The following MNAT1 variants were observed in gnomAD, a reference collection of about 807,000 sequenced individuals.
MNAT1 encodes the protein MNAT1 component of CDK activating kinase.
A neutral mutation model predicts 42.0 loss-of-function variants in MNAT1; 43 were observed. That is an observed-to-expected ratio of 1.02 (90% CI 0.80 to 1.32). MNAT1 has a LOEUF of 1.32. Among genes scored for constraint, MNAT1 ranks in the 40% most tolerant of loss-of-function variants. The pLI, the probability that MNAT1 is intolerant of heterozygous loss-of-function variation, is 0.00. For missense variants in MNAT1, 306 were observed against 350.4 expected (o/e 0.87, Z 1.01); for synonymous variants, 118 against 120.0 (o/e 0.98, Z 0.11).
intron 1 of MNAT1, among the ~76,000 whole-genome samples, chr14:60,754,725 G>T (rs1327898217): frequency 6.6e-6 from 1 of 152,112 alleles, no homozygotes; most frequent in Non-Finnish European, 1.5e-5. Context: ...AGAGGCATAT[G>T]AACTACTTTT....
chr14:60,870,388 A>AT (rs1376193969), intron 6 of MNAT1, among the ~76,000 whole-genome samples: 1 of 152,038 alleles, frequency 6.6e-6, no homozygotes, highest in Non-Finnish European at 1.5e-5. Flanking sequence ...TTCTCACTAC[A>AT]TTTTTACTTT....
intron 6 of MNAT1, among the ~76,000 whole-genome samples, chr14:60,852,418 T>A (rs968244279): frequency 6.6e-5 from 10 of 152,308 alleles, no homozygotes; most frequent in African/African-American, 2.4e-4. Flanking sequence ...TAAATTTGTT[T>A]AAGTTCCTTA....
intron 1 of MNAT1, among the ~76,000 whole-genome samples, chr14:60,788,758 T>C (rs1390812887): frequency 1.3e-5 from 2 of 152,220 alleles, no homozygotes; most frequent in Admixed American, 1.3e-4. Context: ...AGACTTTTCT[T>C]CTGCAACTTC....
At position 60,879,748 on chromosome 14, in the gene MNAT1, T is replaced by C. The variant is rs2034508083; in HGVS notation, c.722T>C (p.Leu241Pro). ...QHISLAPIHK[L>P]EEALYEYQPL... is the part of the protein sequence containing the mutation. ...ATTTCACTGGCACCTATTCACAAGC[T>C]TGAAGAAGCTCTGTATGAATACCAG... Residue 241 changes from leucine (L) to proline (P), a missense_variant, in exon 7 of 8, where the codon CTT (leucine) becomes CCT (proline). Physicochemically the swap from Leu to Pro is moderately conservative, Grantham distance 98. Transcript: ENST00000261245. 6.2e-7 allele frequency: 1 copy of C among 1,613,222 alleles called. No homozygotes were observed. Among genetic ancestry groups the C allele is most frequent in the South Asian group, 1.1e-5 (1 of 91,002 alleles).
At chr14:60,894,024 A>G (rs1173361807) in intron 7 of MNAT1, among the ~76,000 whole-genome samples, 1 of 151,776 alleles carries the variant, frequency 6.6e-6, no homozygotes, top group Non-Finnish European at 1.5e-5. Context: ...CCCTCCCCAG[A>G]CTCGCAACTG....
intron 7 of MNAT1, among the ~76,000 whole-genome samples, chr14:60,956,086 A>G (rs2036483102): frequency 6.6e-6 from 1 of 151,982 alleles, no homozygotes; most frequent in East Asian, 1.9e-4. Context: ...TTAAAGTGTA[A>G]TATCAGGTTA....
intron 7 of MNAT1, among the ~76,000 whole-genome samples, chr14:60,910,754 A>C (rs940459683): frequency 2.6e-5 from 4 of 152,148 alleles, no homozygotes; most frequent in East Asian, 1.9e-4. Context: ...TTTTTGCATC[A>C]ATGTTCTCAA....
At chr14:60,915,353 T>C (rs1594868564) in intron 7 of MNAT1, among the ~76,000 whole-genome samples, 1 of 152,218 alleles carries the variant, frequency 6.6e-6, no homozygotes, top group East Asian at 1.9e-4. Context: ...GTTTTGAAAA[T>C]TGAGTCATCT....
intron 5 of MNAT1, among the ~76,000 whole-genome samples, 154 bp from the exon 6 acceptor site, chr14:60,818,568 G>A (rs1038129253): frequency 1.3e-5 from 2 of 151,940 alleles, no homozygotes; most frequent in Non-Finnish European, 2.9e-5. Flanking sequence ...TTCTTATTAT[G>A]GAATGTTAAT....
chr14:60,849,922 C>T (rs1261361774), intron 6 of MNAT1, among the ~76,000 whole-genome samples: 1 of 151,962 alleles, frequency 6.6e-6, no homozygotes, highest in Non-Finnish European at 1.5e-5. Context: ...CTGCAACCTC[C>T]CCATCTCACG....
intron 6 of MNAT1, among the ~76,000 whole-genome samples, chr14:60,837,060 A>C (rs190627678): frequency 4.6e-5 from 7 of 152,274 alleles, no homozygotes; most frequent in African/African-American, 1.7e-4. Context: ...GTAATGATGG[A>C]TGCCCCTACC....
intron 7 of MNAT1, among the ~76,000 whole-genome samples, chr14:60,954,446 TA>T (rs1358234987): frequency 6.6e-6 from 1 of 152,208 alleles, no homozygotes; most frequent in Non-Finnish European, 1.5e-5. Context: ...CCTCCTTGGT[TA>T]AATTTGTTTT....
At chr14:60,780,017 C>T (rs1212329005) in intron 1 of MNAT1, 36 of 1,559,608 alleles carry the variant, frequency 2.3e-5, no homozygotes, top group Middle Eastern at 1.7e-4. Flanking sequence ...AATCACCCTG[C>T]GTGGGAGTGC....
intron 7 of MNAT1, among the ~76,000 whole-genome samples, chr14:60,890,365 T>A (rs1236114791): frequency 1.3e-5 from 2 of 152,204 alleles, no homozygotes; most frequent in Non-Finnish European, 2.9e-5. Flanking sequence ...AGATACTGGC[T>A]TTTAGTTTTC....
chr14:60,760,763 T>C (rs2030565738), intron 1 of MNAT1, among the ~76,000 whole-genome samples: 1 of 152,130 alleles, frequency 6.6e-6, no homozygotes, highest in Non-Finnish European at 1.5e-5. Flanking sequence ...CAAGGAAAAA[T>C]CGTTCTCCTC....
At chr14:60,957,261 G>A (rs905753887) in intron 7 of MNAT1, among the ~76,000 whole-genome samples, 12 of 151,856 alleles carry the variant, frequency 7.9e-5, no homozygotes, top group Non-Finnish European at 1.3e-4. Flanking sequence ...TTTTACTCTC[G>A]GTATTAGTCT....
intron 7 of MNAT1, among the ~76,000 whole-genome samples, chr14:60,909,630 T>G (rs1027903028): frequency 6.6e-6 from 1 of 152,086 alleles, no homozygotes; most frequent in African/African-American, 2.4e-5. Context: ...GATCAGATAG[T>G]TGTAGATATG....
intron 6 of MNAT1, among the ~76,000 whole-genome samples, chr14:60,819,379 C>T (rs1490049656): frequency 1.3e-5 from 2 of 148,438 alleles, no homozygotes; most frequent in Admixed American, 6.7e-5. Context: ...TTTTTGTATA[C>T]TTTTACAGGT....
chr14:60,927,544 G>C (rs1474348304), intron 7 of MNAT1, among the ~76,000 whole-genome samples: 1 of 152,164 alleles, frequency 6.6e-6, no homozygotes, highest in Non-Finnish European at 1.5e-5. Context: ...AGGGTGCCCT[G>C]TACTTGGAGT....
Sources: allele counts gnomAD v4.1 joint callset (sites outside exome capture counted in the v4.1 genomes callset), GRCh38; gene constraint gnomAD v4.1.1; transcripts MANE v1.5; gene names NCBI Gene and HGNC (gene_info 2026-07-23, HGNC 2026-07-21).